Variants in PLB1 observed in about 807,000 individuals in gnomAD.
PLB1 encodes the protein phospholipase B1.
PLB1 carries 242 observed loss-of-function variants against 227.4 expected under a neutral mutation model. The observed-to-expected ratio is 1.06, with a 90% CI of 0.96 to 1.18. PLB1 has a LOEUF of 1.18. Among genes scored for constraint, PLB1 ranks in the 50% most tolerant of loss-of-function variants. The probability of loss-of-function intolerance (pLI) is 0.00; values close to 1 mark genes in which losing one functional copy is unlikely to be tolerated. For missense variants in PLB1, 1,858 were observed against 1,816.3 expected, an observed-to-expected ratio of 1.02 and a Z score of -0.42; for synonymous variants, 757 against 682.2, an observed-to-expected ratio of 1.11 and a Z score of -1.71.
At chr2:28,559,683 A>G (rs954601981) in intron 17 of PLB1, among the ~76,000 whole-genome samples, 2 of 139,216 alleles carry the variant, frequency 1.4e-5, no homozygotes, top group Non-Finnish European at 3.1e-5. Context: ...TGTGGGTTGT[A>G]TATAGTCCAG....
intron 26 of PLB1, among the ~76,000 whole-genome samples, chr2:28,588,508 C>G (rs1003465029): frequency 1.3e-5 from 2 of 152,142 alleles, no homozygotes; most frequent in Non-Finnish European, 2.9e-5. Flanking sequence ...GTGGTGTCTT[C>G]TGAAGTGACC....
At chr2:28,515,142 C>T (rs1668696005) in intron 1 of PLB1, among the ~76,000 whole-genome samples, 1 of 152,184 alleles carries the variant, frequency 6.6e-6, no homozygotes, top group South Asian at 2.1e-4. Context: ...GTGTTGGCTA[C>T]CATTTACATT....
At chr2:28,591,449 G>A (rs965991555) in intron 30 of PLB1, among the ~76,000 whole-genome samples, 2 of 152,230 alleles carry the variant, frequency 1.3e-5, no homozygotes, top group Non-Finnish European at 1.5e-5. Flanking sequence ...CAGGTGTGGA[G>A]TGGGGTCATT....
Position 28,541,827 on chromosome 2 carries a change from A to G in PLB1, c.879+16A>G, listed in dbSNP as rs754030005. On this transcript the variant is annotated intron_variant, in intron 13 of 57. Transcript: ENST00000327757. ...TCTACACTCGGTAAGTGGGGGCTGC[A>G]TGGCGTATCAAGAGTGTGGTGGGGG... 6.3e-6 allele frequency: 10 copies of G among 1,590,520 alleles called. No individual in the cohort carries two copies. The highest frequency in any genetic ancestry group is 2.2e-5 in the East Asian group (1 of 44,728).
intron 33 of PLB1, chr2:28,594,998 T>A (rs1284238694): frequency 2.0e-5 from 3 of 151,920 alleles, no homozygotes; most frequent in African/African-American, 7.3e-5. Context: ...GAAACAAAAA[T>A]CAAGCAGACG....
At position 28,642,910 on chromosome 2, in the gene PLB1, C is replaced by G. The variant is rs1690131034; in HGVS notation, c.4226C>G (p.Ala1409Gly). 6.2e-7 allele frequency: 1 copy of G among 1,608,710 alleles called. No individual in the cohort carries two copies. The highest frequency in any genetic ancestry group is 8.5e-7 in the Non-Finnish European group (1 of 1,177,614). ...AACAGCCGATTGCTCCCAGACCAGG[C>G]TGAAGAAGCCCCCGAGGTGCTCTAC... is the stretch of plus-strand genomic sequence containing the variant. ...LRNSRLLPDQ[A>G]EEAPEVLYWA... The change falls in exon 58 of 58, where the codon GCT becomes GGT. Residue 1409 changes from alanine to glycine, a missense_variant. Transcript: ENST00000327757.
At chr2:28,602,400 G>A (rs1684054823) in intron 38 of PLB1, among the ~76,000 whole-genome samples, 2 of 152,246 alleles carry the variant, frequency 1.3e-5, no homozygotes, top group Admixed American at 1.3e-4. Flanking sequence ...AAGCTGCCCT[G>A]GCTGCGTGAG....
chr2:28,549,408 C>CTTTTT (rs1572906840), intron 15 of PLB1, among the ~76,000 whole-genome samples: 2 of 60,670 alleles, frequency 3.3e-5, no homozygotes, highest in Admixed American at 1.7e-4. Flanking sequence ...GAATGAGATT[C>CTTTTT]TTTCTTTTTT....
chr2:28,593,882 A>G, intron 33 of PLB1, 128 bp downstream of exon 33: 1 of 830,156 alleles, frequency 1.2e-6, no homozygotes, highest in Middle Eastern at 2.2e-4. Flanking sequence ...CAGAAAGAAA[A>G]AGCTATATAT....
At chr2:28,608,225 A>G (rs1432899117) in intron 43 of PLB1, among the ~76,000 whole-genome samples, 2 of 152,240 alleles carry the variant, frequency 1.3e-5, no homozygotes, top group Non-Finnish European at 2.9e-5. Flanking sequence ...GAAAGGGTCC[A>G]TCTGTTGGCC....
At chr2:28,600,607 A>G (rs1043191393) in intron 35 of PLB1, among the ~76,000 whole-genome samples, 1 of 152,216 alleles carries the variant, frequency 6.6e-6, no homozygotes, top group East Asian at 1.9e-4. Context: ...CTGTAGGACA[A>G]ACACATCATT....
Position 28,606,505 on chromosome 2 carries a change from C to G in PLB1, c.3067C>G (p.Leu1023Val). Residue 1023 changes from leucine (L) to valine (V), a missense_variant, in exon 43 of 58, where the codon CTT becomes GTT. Physicochemically the swap from Leu to Val is conservative, Grantham distance 32 (BLOSUM62 1). Transcript: ENST00000327757. ...RALWTNMLEP[L>V]GSKTETLDLR... The stretch of plus-strand genomic sequence containing the variant: ...TTTCTTCCCTGATCAGCTTGAACCA[C>G]TTGGAAGCAAAACAGAGACCCTGGA... The G allele has an allele frequency of 6.2e-7, 1 of 1,614,188 alleles. No homozygotes were observed. The highest frequency in any genetic ancestry group is 2.2e-5 in the East Asian group (1 of 44,878).
intron 14 of PLB1, among the ~76,000 whole-genome samples, chr2:28,547,002 A>T (rs1673366122): frequency 6.6e-6 from 1 of 151,912 alleles, no homozygotes; most frequent in African/African-American, 2.4e-5. Context: ...GAATTTGAGA[A>T]CAGCCTGGGC....
chr2:28,574,549 ATTTTTTTTTTTTTT>A (rs55675067), intron 21 of PLB1, among the ~76,000 whole-genome samples: 19 of 130,158 alleles, frequency 1.5e-4, no homozygotes, highest in Middle Eastern at 4.0e-3. Flanking sequence ...TTCCCGGCTA[ATTTTTTTTTTTTTT>A]TTTTTTTTTT....
At chr2:28,594,014 A>G (rs781408683) in intron 33 of PLB1, 4 of 723,996 alleles carry the variant, frequency 5.5e-6, no homozygotes, top group Non-Finnish European at 1.0e-5. Flanking sequence ...GGGTCAGCAA[A>G]TCCAACAGGA....
At chr2:28,594,093 G>A (rs1384795510) in intron 33 of PLB1, 1 of 601,164 alleles carries the variant, frequency 1.7e-6, no homozygotes, top group South Asian at 1.4e-5. Context: ...TGTACACGTG[G>A]TGTTCCTACG....
intron 20 of PLB1, among the ~76,000 whole-genome samples, chr2:28,572,648 C>T (rs1183537177): frequency 2.0e-5 from 3 of 152,052 alleles, no homozygotes; most frequent in East Asian, 1.9e-4. Context: ...AGAGGCCAGT[C>T]ACAAAAGGTA....
In PLB1 at chr2:28,582,079, TC is replaced by T; in HGVS notation, c.1582del (p.Gln528ArgfsTer23). 1 of 1,613,680 alleles carries T rather than the reference TC, an allele frequency of 6.2e-7. No individual in the cohort carries two copies. Among genetic ancestry groups the T allele is most frequent in the South Asian group, 1.1e-5 (1 of 91,060 alleles). On this transcript the variant is annotated frameshift_variant, in exon 24 of 58. Coordinates refer to ENST00000327757, the MANE Select transcript of PLB1 (RefSeq NM_153021.5). LOFTEE classifies it high-confidence loss of function. ...DFCNDLVHYS[P>X]QNFTDNIGKA... Reference sequence around the variant, plus strand: ...TCCTCTTCCTGCAGGTCCACTATTCTCCCCAGAACTTCACAGACAACATTGG... The same window carrying T: ...TCCTCTTCCTGCAGGTCCACTATTCTCCCAGAACTTCACAGACAACATTGG...
chr2:28,620,809 T>A, intron 48 of PLB1, 70 bp from the exon 49 acceptor site: 1 of 1,435,244 alleles, frequency 7.0e-7, no homozygotes, highest in Non-Finnish European at 9.8e-7. Context: ...CCCTGCATGC[T>A]CATCTCAGTT....
Sources: allele counts gnomAD v4.1 joint callset (sites outside exome capture counted in the v4.1 genomes callset), GRCh38; gene constraint gnomAD v4.1.1; transcripts MANE v1.5; gene names NCBI Gene and HGNC (gene_info 2026-07-23, HGNC 2026-07-21).